Variants in KPNA1 observed in about 807,000 individuals in gnomAD.
KPNA1 encodes the protein importin subunit alpha-5.
Under a neutral mutation model 70.5 loss-of-function variants are expected in KPNA1, and 10 were observed. The observed-to-expected ratio is 0.14, with a 90% CI of 0.09 to 0.24. KPNA1 has a LOEUF of 0.24. KPNA1 is among the 10% of genes least tolerant of loss of function. The pLI is 1.00. For synonymous variants in KPNA1, 192 were observed against 221.9 expected (o/e 0.87, Z 1.20); for missense variants, 397 against 637.9 (o/e 0.62, Z 4.07).
intron 5 of KPNA1, among the ~76,000 whole-genome samples, chr3:122,458,545 C>T (rs961172175): frequency 6.6e-6 from 1 of 152,172 alleles, no homozygotes; most frequent in South Asian, 2.1e-4. Context: ...AGTTTGTCCA[C>T]AAGATTTATT....
At chr3:122,499,425 T>C (rs975252113) in intron 1 of KPNA1, among the ~76,000 whole-genome samples, 32 of 150,936 alleles carry the variant, frequency 2.1e-4, no homozygotes, top group African/African-American at 6.1e-4. Context: ...TCTGTGTCTA[T>C]TGATATCACA....
intron 2 of KPNA1, among the ~76,000 whole-genome samples, chr3:122,484,509 G>C (rs2076606989): frequency 6.6e-6 from 1 of 152,076 alleles, no homozygotes; most frequent in Admixed American, 6.6e-5. Context: ...TAGCTGGCAT[G>C]GTGGTGGGCG....
intron 2 of KPNA1, among the ~76,000 whole-genome samples, chr3:122,468,002 T>C (rs2076400203): frequency 6.6e-6 from 1 of 152,178 alleles, no homozygotes; most frequent in South Asian, 2.1e-4. Context: ...CGAGGGTGAT[T>C]ACCATTATAT....
intron 12 of KPNA1, among the ~76,000 whole-genome samples, chr3:122,429,821 G>T (rs1012688482): frequency 6.6e-6 from 1 of 152,092 alleles, no homozygotes; most frequent in Admixed American, 6.5e-5. Flanking sequence ...GTGTGGTATT[G>T]GTGAAAGAAC....
At chr3:122,453,011 A>C (rs1281700205) in intron 6 of KPNA1, among the ~76,000 whole-genome samples, 1 of 151,988 alleles carries the variant, frequency 6.6e-6, no homozygotes, top group African/African-American at 2.4e-5. Flanking sequence ...CGGTGGTGTG[A>C]TATCGGCTCA....
intron 4 of KPNA1, among the ~76,000 whole-genome samples, chr3:122,462,450 A>C (rs1351934299): frequency 6.6e-6 from 1 of 152,180 alleles, no homozygotes; most frequent in Non-Finnish European, 1.5e-5. Flanking sequence ...TAGGGCAAAG[A>C]AGGTAACCTC....
At chr3:122,505,956 T>C (rs575865003) in intron 1 of KPNA1, among the ~76,000 whole-genome samples, 2 of 152,340 alleles carry the variant, frequency 1.3e-5, no homozygotes, top group Non-Finnish European at 2.9e-5. Flanking sequence ...CTTTTCACTG[T>C]ATCACTTCAA....
chr3:122,490,028 A>G (rs2076679582), intron 2 of KPNA1, among the ~76,000 whole-genome samples: 1 of 152,238 alleles, frequency 6.6e-6, no homozygotes, highest in South Asian at 2.1e-4. Flanking sequence ...CACTGTTTCC[A>G]GCCCTGTGTA....
chr3:122,465,125 TTTACA>T, intron 3 of KPNA1, among the ~76,000 whole-genome samples: 1 of 152,312 alleles, frequency 6.6e-6, no homozygotes, highest in African/African-American at 2.4e-5. Context: ...TATTGTTAAC[TTTACA>T]TTATAATATT....
At chr3:122,452,148 C>A in intron 6 of KPNA1, 84 bp from the exon 7 acceptor site, 1 of 865,330 alleles carries the variant, frequency 1.2e-6, no homozygotes, top group South Asian at 1.4e-5. Context: ...CACAATAACA[C>A]GTTCATCAGG....
At chr3:122,485,781 T>G (rs2076622449) in intron 2 of KPNA1, among the ~76,000 whole-genome samples, 1 of 152,002 alleles carries the variant, frequency 6.6e-6, no homozygotes, top group African/African-American at 2.4e-5. Context: ...GCTGAAAGAG[T>G]GAATATTAAA....
intron 2 of KPNA1, among the ~76,000 whole-genome samples, chr3:122,477,089 G>T (rs1013854926): frequency 1.3e-5 from 2 of 152,022 alleles, no homozygotes; most frequent in Non-Finnish European, 2.9e-5. Flanking sequence ...ACAGACCGAC[G>T]TTCTTAAAAA....
At chr3:122,430,515 A>AGTGTGT (rs10662409) in intron 12 of KPNA1, among the ~76,000 whole-genome samples, 16,779 of 141,384 alleles carry the variant, frequency 0.12, 1,131 homozygotes, top group East Asian at 0.31. Flanking sequence ...CTGTACTACC[A>AGTGTGT]GTGTGTGTGT....
At chr3:122,436,076 T>C (rs536017697) in intron 11 of KPNA1, among the ~76,000 whole-genome samples, 20 of 152,316 alleles carry the variant, frequency 1.3e-4, no homozygotes, top group African/African-American at 4.8e-4. Context: ...AGAAAGAGAA[T>C]GCGTTCCTAG....
At chr3:122,484,514 T>C (rs6789756) in intron 2 of KPNA1, among the ~76,000 whole-genome samples, 57,153 of 151,892 alleles carry the variant, frequency 0.38, 11,185 homozygotes, top group East Asian at 0.54. Context: ...GGCATGGTGG[T>C]GGGCGCCTAT....
At chr3:122,466,968 T>A (rs977325430) in intron 3 of KPNA1, among the ~76,000 whole-genome samples, 6 of 151,386 alleles carry the variant, frequency 4.0e-5, no homozygotes, top group African/African-American at 1.5e-4. Context: ...GCCACTGCAC[T>A]CCAACCTGGG....
intron 3 of KPNA1, 28 bp downstream of exon 3, chr3:122,467,294 A>G (rs75578364): frequency 0.11 from 143,719 of 1,260,288 alleles, 9,058 homozygotes; most frequent in Middle Eastern, 0.18. Flanking sequence ...TTCATCACAA[A>G]AACACTGAAA....
chr3:122,512,439 C>T (rs562129095), intron 1 of KPNA1, among the ~76,000 whole-genome samples: 1 of 152,274 alleles, frequency 6.6e-6, no homozygotes, highest in East Asian at 1.9e-4. Context: ...TAACATAATG[C>T]GGCTGGGCGC....
At chr3:122,473,462 C>T (rs1328096341) in intron 2 of KPNA1, among the ~76,000 whole-genome samples, 1 of 152,142 alleles carries the variant, frequency 6.6e-6, no homozygotes, top group South Asian at 2.1e-4. Context: ...AACACAGGTG[C>T]AAAATCCTCA....
Sources: allele counts gnomAD v4.1 joint callset (sites outside exome capture counted in the v4.1 genomes callset), GRCh38; gene constraint gnomAD v4.1.1; transcripts MANE v1.5; gene names NCBI Gene and HGNC (gene_info 2026-07-23, HGNC 2026-07-21).